ADRA1A: variants seen among roughly 807,000 people sequenced by gnomAD.
The protein encoded by ADRA1A is adrenoceptor alpha 1A.
A neutral mutation model predicts 29.6 loss-of-function variants in ADRA1A; 31 were observed. The ratio of observed to expected loss-of-function variants is 1.05; its 90% CI spans 0.79 to 1.41. The LOEUF is 1.41. Among genes scored for constraint, ADRA1A ranks in the 40% most tolerant of loss-of-function variants. The pLI, the probability that ADRA1A is intolerant of heterozygous loss-of-function variation, is 0.00. For synonymous variants in ADRA1A, 311 were observed against 254.3 expected (o/e 1.22, Z -2.12); for missense variants, 619 against 601.1 (o/e 1.03, Z -0.31).
chr8:26,800,911 T>A (rs1236001362), intron 2 of ADRA1A, among the ~76,000 whole-genome samples: 2 of 152,078 alleles, frequency 1.3e-5, no homozygotes, highest in Non-Finnish European at 2.9e-5. Flanking sequence ...CAACAACATA[T>A]TAAAAAGATT....
chr8:26,758,483 A>G (rs1805319285), intron 2 of ADRA1A, among the ~76,000 whole-genome samples: 1 of 152,206 alleles, frequency 6.6e-6, no homozygotes, highest in Non-Finnish European at 1.5e-5. Flanking sequence ...GGGGCCTACT[A>G]TGATTTTATA....
intron 2 of ADRA1A, among the ~76,000 whole-genome samples, chr8:26,839,056 T>G (rs1390923248): frequency 6.6e-6 from 1 of 152,192 alleles, no homozygotes; most frequent in African/African-American, 2.4e-5. Context: ...GCAAGCAAAT[T>G]TGTGTATTTA....
At chr8:26,859,135 C>T (rs1467219423) in intron 2 of ADRA1A, 1 of 1,290,096 alleles carries the variant, frequency 7.8e-7, no homozygotes, top group Admixed American at 2.3e-5. Flanking sequence ...TCTCTTTCCT[C>T]TCCCGCAGCC....
chr8:26,821,408 T>A lies in ADRA1A; in HGVS notation c.883+42679A>T, dbSNP rs1810162246. ...GTGGGAGCAAGACAGAGCAAGGGAGTGGGGAGGCCTCAGACTTTTAAACAA... is the reference window on the plus strand; with the variant it reads ...GTGGGAGCAAGACAGAGCAAGGGAGAGGGGAGGCCTCAGACTTTTAAACAA... On this transcript the variant is annotated intron_variant, in intron 2 of 2. Transcript: ENST00000380573. This position sits in a 1 kb window ranked among gnomAD's most constrained non-coding sequence, Gnocchi z 5.6. Among the ~76,000 whole-genome samples, 2 of 151,296 alleles carry A rather than the reference T, an allele frequency of 1.3e-5. No individual in the cohort carries two copies. The highest frequency in any genetic ancestry group is 4.2e-4 in the South Asian group (2 of 4,778).
chr8:26,855,893 G>T (rs1268058250), intron 2 of ADRA1A, among the ~76,000 whole-genome samples: 1 of 152,192 alleles, frequency 6.6e-6, no homozygotes, highest in African/African-American at 2.4e-5. Context: ...TTAGAAAACT[G>T]TCCTCATATC....
rs1021972918 is a variant in ADRA1A at position 26,821,672 on chromosome 8, G to A, written c.883+42415C>T. 1.2e-4 allele frequency among the ~76,000 whole-genome samples: 18 copies of A among 152,086 alleles called. No homozygotes were observed. Among genetic ancestry groups the A allele is most frequent in the South Asian group, 4.1e-4 (2 of 4,822 alleles). On this transcript the variant is annotated intron_variant, in intron 2 of 2. Transcript: ENST00000380573. This position sits in a 1 kb window ranked among gnomAD's most constrained non-coding sequence, Gnocchi z 5.6. ...ATATCACAACCAGGATATTGACAAC[G>A]ATACAGTCAAGATACAGAATAGTTC... is the stretch of plus-strand genomic sequence containing the variant.
intron 2 of ADRA1A, among the ~76,000 whole-genome samples, chr8:26,855,833 C>G (rs1347610819): frequency 6.6e-6 from 1 of 152,160 alleles, no homozygotes; most frequent in Non-Finnish European, 1.5e-5. Context: ...AACTGGCAAA[C>G]CAAATAGCAG....
intron 2 of ADRA1A, among the ~76,000 whole-genome samples, chr8:26,845,701 C>A (rs1219573656): frequency 1.3e-5 from 2 of 152,070 alleles, no homozygotes; most frequent in African/African-American, 4.8e-5. Context: ...CTCAATGGAG[C>A]AACAGATAAA....
At chr8:26,754,364 T>A (rs924280529), downstream of ADRA1A, among the ~76,000 whole-genome samples, 1 of 149,760 alleles carries the variant, frequency 6.7e-6, no homozygotes, top group African/African-American at 2.5e-5. Context: ...TCAGATTAAC[T>A]TTTTTTTTTA....
At chr8:26,781,023 A>G (rs2130354331) in intron 2 of ADRA1A, among the ~76,000 whole-genome samples, 1 of 152,362 alleles carries the variant, frequency 6.6e-6, no homozygotes, top group Non-Finnish European at 1.5e-5. Context: ...AAAGTGCACA[A>G]TAAATGCAAT....
rs1811835810 is a variant in ADRA1A at position 26,841,806 on chromosome 8, T to C, written c.883+22281A>G. On this transcript the variant is annotated intron_variant, in intron 2 of 2. Coordinates refer to ENST00000380573, the MANE Select transcript of ADRA1A (RefSeq NM_000680.4). This position sits in a 1 kb window ranked among gnomAD's most constrained non-coding sequence, Gnocchi z 4.4. ...TCAGATTACTAAACGCTATTTTTTT[T>C]CTCCTTTTCTTTCCCCTTGACTTCT... Among the ~76,000 whole-genome samples, 1 of 152,150 alleles carries C rather than the reference T, an allele frequency of 6.6e-6. No individual in the cohort carries two copies. Among genetic ancestry groups the C allele is most frequent in the South Asian group, 2.1e-4 (1 of 4,830 alleles).
chr8:26,781,456 A>G (rs938529171), intron 2 of ADRA1A, among the ~76,000 whole-genome samples: 13 of 152,202 alleles, frequency 8.5e-5, no homozygotes, highest in Admixed American at 2.0e-4. Context: ...GAAGAAAACA[A>G]CATTTTGAAC....
In ADRA1A at chr8:26,864,651, C is replaced by A; in HGVS notation, c.319G>T (p.Val107Leu). ...ATGATGGACGCGGTGCAGCACAGCACATCCACTGCCGCCCAGATGTTGCAG... is the reference window on the plus strand; with the variant it reads ...ATGATGGACGCGGTGCAGCACAGCAAATCCACTGCCGCCCAGATGTTGCAG... ...VFCNIWAAVDVLCCTASIMGL... is the reference protein window; with the variant it reads ...VFCNIWAAVDLLCCTASIMGL... Residue 107 changes from valine (V) to leucine (L), a missense_variant, in exon 2 of 3, where the codon GTG (valine) becomes TTG (leucine). Val to Leu is a conservative substitution (Grantham distance 32). Transcript: ENST00000380573. The surrounding 1 kb of genome is among the most constrained non-coding windows in gnomAD (Gnocchi z 8.1). 1 of 1,614,202 alleles carries A rather than the reference C, an allele frequency of 6.2e-7. No homozygotes were observed. The highest frequency in any genetic ancestry group is 8.5e-7 in the Non-Finnish European group (1 of 1,180,044).
chr8:26,753,565 CT>C (rs1342738552), downstream of ADRA1A, among the ~76,000 whole-genome samples: 1 of 152,076 alleles, frequency 6.6e-6, no homozygotes, highest in African/African-American at 2.4e-5. Context: ...TACTTATTTA[CT>C]TATTTCCTAC....
At chr8:26,859,012 C>T in intron 2 of ADRA1A, 2 of 1,206,816 alleles carry the variant, frequency 1.7e-6, no homozygotes, top group Non-Finnish European at 2.1e-6. Context: ...AGGACCTTTG[C>T]AGTCAAATAG....
downstream of ADRA1A, among the ~76,000 whole-genome samples, chr8:26,754,324 A>G (rs1805052929): frequency 6.6e-6 from 1 of 152,302 alleles, no homozygotes; most frequent in Non-Finnish European, 1.5e-5. Flanking sequence ...CTTGAATAGT[A>G]TAGCGTGCAT....
chr8:26,799,506 T>G (rs1476054536), intron 2 of ADRA1A, among the ~76,000 whole-genome samples: 1 of 152,224 alleles, frequency 6.6e-6, no homozygotes, highest in African/African-American at 2.4e-5. Flanking sequence ...ATATACCCAG[T>G]GCCAGCACAG....
At position 26,757,335 on chromosome 8, in the gene ADRA1A, A is replaced by G. The variant is rs372361467; in HGVS notation, c.1270-556T>C. On this transcript the variant is annotated intron_variant, in intron 2 of 2. Coordinates refer to the ADRA1A transcript ENST00000380582. ...CTGAGTCGTGGTGAGCTGAGCTTGCAGTGTGGACTTCCCTGTGAAGCCACC... is the reference window on the plus strand; with the variant it reads ...CTGAGTCGTGGTGAGCTGAGCTTGCGGTGTGGACTTCCCTGTGAAGCCACC... Among the ~76,000 whole-genome samples, 123 of 152,280 alleles carry G rather than the reference A, an allele frequency of 8.1e-4. 2 individuals are homozygous for G. The South Asian group carries it at 0.025, about 31-fold the overall frequency.
chr8:26,793,365 A>G (rs1807967604), intron 2 of ADRA1A, among the ~76,000 whole-genome samples: 1 of 152,004 alleles, frequency 6.6e-6, no homozygotes, highest in African/African-American at 2.4e-5. Context: ...GCAAGAAGCC[A>G]AAGTTATTCT....
Sources: allele counts gnomAD v4.1 joint callset (sites outside exome capture counted in the v4.1 genomes callset), GRCh38; gene constraint gnomAD v4.1.1; non-coding constraint Gnocchi (gnomAD v3.1); transcripts MANE v1.5; gene names NCBI Gene and HGNC (gene_info 2026-07-23, HGNC 2026-07-21).